Variants in GLMP observed in about 807,000 individuals in gnomAD.
GLMP encodes the protein kidney lysosomal membrane protein.
A neutral mutation model predicts 39.2 loss-of-function variants in GLMP; 36 were observed. That is an observed-to-expected ratio of 0.92 (90% confidence interval 0.70 to 1.21). The LOEUF (loss-of-function observed/expected upper bound fraction) is 1.21. Among genes scored for constraint, GLMP ranks in the 50% most tolerant of loss-of-function variants. The pLI, the probability that GLMP is intolerant of heterozygous loss-of-function variation, is 0.00. For synonymous variants in GLMP, 220 were observed against 218.9 expected (o/e 1.01, Z -0.04); for missense variants, 454 against 505.6 (o/e 0.90, Z 0.98).
rs769326755 is a variant in GLMP at position 156,293,406 on chromosome 1, A to C, written c.969T>G (p.Phe323Leu). 9.3e-6 allele frequency: 15 copies of C among 1,614,102 alleles called. No individual in the cohort carries two copies. The East Asian group carries it at 3.1e-4, about 34-fold the overall frequency. ...LPQSPIVRAF[F>L]GSQNNFCAFN... ...AGGCACAGAAGTTATTCTGGGACCC[A>C]AAGAAGGCTCGGACAATGGGTGACT... is the stretch of plus-strand genomic sequence containing the variant. Residue 323 changes from phenylalanine to leucine, a missense_variant, in exon 5 of 6, where the codon TTT (phenylalanine) becomes TTG (leucine). Transcript: ENST00000362007.
At chr1:156,294,306 T>C in intron 3 of GLMP, 59 bp downstream of exon 3, 2 of 1,603,968 alleles carry the variant, frequency 1.2e-6, no homozygotes, top group Non-Finnish European at 1.7e-6. Flanking sequence ...ACCTCCATCA[T>C]TAAATCCCAC....
At position 156,293,571 on chromosome 1, in the gene GLMP, G is replaced by C. The variant is rs1281957750; in HGVS notation, c.804C>G (p.Asp268Glu). The C allele has an allele frequency of 6.2e-7, 1 of 1,614,106 alleles. No individual in the cohort carries two copies. The highest frequency in any genetic ancestry group is 1.7e-5 in the Admixed American group (1 of 60,024). Residue 268 changes from aspartate to glutamate, a missense_variant, in exon 5 of 6, where the codon GAC becomes GAG. Asp to Glu is a conservative substitution (Grantham distance 45). Coordinates refer to ENST00000362007, the MANE Select transcript of GLMP (RefSeq NM_144580.3). ...ATGGGAGGGAGCCCCACAGTAGCTG[G>C]TCCAACTGGGAAGAAAGGCAAACAA... The part of the protein sequence containing the change: ...DEYAPAVFQL[D>E]QLLWGSLPSG...
Position 156,294,087 on chromosome 1 carries a change from C to T in GLMP, c.729G>A (p.Gln243=). The change falls in exon 4 of 6, where the codon CAG becomes CAA. Residue 243 remains glutamine (Q), a synonymous_variant. Transcript: ENST00000362007. ...LFGLEVATLG[Q]GPDCPSMQEQ... ...CCTGCATTGAGGGGCAGTCAGGGCC[C>T]TGGCCCAATGTGGCTACCTCCAGCC... is the stretch of plus-strand genomic sequence containing the variant. The T allele has an allele frequency of 6.2e-7, 1 of 1,614,164 alleles. No homozygotes were observed.
Position 156,293,107 on chromosome 1 carries a change from T to C in GLMP, c.1158A>G (p.Leu386=), listed in dbSNP as rs1271474050. The change falls in exon 6 of 6, where the codon CTA becomes CTG. Residue 386 remains leucine (L), a synonymous_variant. Coordinates refer to ENST00000362007, the MANE Select transcript of GLMP (RefSeq NM_144580.3). ...VALGAPGLML[L]GGGLVLLLHH... ...GCAGCAGCAGAACCAAGCCGCCCCC[T>C]AGCAGCATGAGCCCTGGGGCACCCA... 1 of 1,614,078 alleles carries C rather than the reference T, an allele frequency of 6.2e-7. No homozygotes were observed. The highest frequency in any genetic ancestry group is 1.1e-5 in the South Asian group (1 of 91,080).
chr1:156,294,678 C>T (rs769327921), intron 2 of GLMP, 81 bp downstream of exon 2: 2 of 1,570,566 alleles, frequency 1.3e-6, no homozygotes, highest in Admixed American at 1.8e-5. Context: ...TCACCCACCC[C>T]CAGTCTTTAG....
chr1:156,293,826 T>G, intron 4 of GLMP, 192 bp downstream of exon 4: 1 of 1,228,092 alleles, frequency 8.1e-7, no homozygotes, highest in Non-Finnish European at 1.2e-6. Flanking sequence ...TCTGCCAGAG[T>G]GTAAGTCATA....
chr1:156,293,946 G>C, intron 4 of GLMP, 72 bp downstream of exon 4: 2 of 1,532,062 alleles, frequency 1.3e-6, no homozygotes, highest in Non-Finnish European at 1.8e-6. Context: ...GCAAATGGTT[G>C]AATGAGTTTT....
At chr1:156,294,650 T>A in intron 2 of GLMP, 85 bp from the exon 3 acceptor site, 1 of 1,591,542 alleles carries the variant, frequency 6.3e-7, no homozygotes, top group Non-Finnish European at 8.6e-7. Flanking sequence ...TACCAAGGCT[T>A]TCATATCTGA....
chr1:156,294,200 G>T lies in GLMP; in HGVS notation c.616C>A (p.Pro206Thr), dbSNP rs531682169. Reference protein sequence around the residue: ...AFSRSSRPAQPPRLLHTADTC... With the variant: ...AFSRSSRPAQTPRLLHTADTC... ...TCTGCTGTGTGCAGGAGGCGAGGGG[G>T]TTGGGCTGGTCGGCTGGACCTGGAA... The change falls in exon 4 of 6, where the codon CCC becomes ACC. Residue 206 changes from proline (P) to threonine (T), a missense_variant. Physicochemically the swap from Pro to Thr is conservative, Grantham distance 38. Transcript: ENST00000362007. 3 of 1,614,052 alleles carry T rather than the reference G, an allele frequency of 1.9e-6. No homozygotes were observed. The highest frequency in any genetic ancestry group is 1.3e-5 in the African/African-American group (1 of 75,062).
At chr1:156,294,712 C>T in intron 2 of GLMP, 47 bp downstream of exon 2, 2 of 1,555,368 alleles carry the variant, frequency 1.3e-6, no homozygotes, top group Non-Finnish European at 1.7e-6. Flanking sequence ...TTGGGATGAA[C>T]TCTCTCCTCT....
Position 156,294,202 on chromosome 1 carries a change from T to C in GLMP, c.614A>G (p.Gln205Arg). The change falls in exon 4 of 6, where the codon CAA becomes CGA. Residue 205 changes from glutamine (Q) to arginine (R), a missense_variant. Coordinates refer to ENST00000362007, the MANE Select transcript of GLMP (RefSeq NM_144580.3). ...QAFSRSSRPA[Q>R]PPRLLHTADT... ...TGCTGTGTGCAGGAGGCGAGGGGGTTGGGCTGGTCGGCTGGACCTGGAAAA... is the reference window on the plus strand; with the variant it reads ...TGCTGTGTGCAGGAGGCGAGGGGGTCGGGCTGGTCGGCTGGACCTGGAAAA... 6.2e-7 allele frequency: 1 copy of C among 1,613,918 alleles called. No homozygotes were observed. Among genetic ancestry groups the C allele is most frequent in the East Asian group, 2.2e-5 (1 of 44,876 alleles).
In GLMP at chr1:156,294,194, G is replaced by A. The variant is rs773888803; in HGVS notation, c.622C>T (p.Arg208Cys). 1.1e-5 allele frequency: 17 copies of A among 1,613,944 alleles called. No individual in the cohort carries two copies. The highest frequency in any genetic ancestry group is 1.3e-5 in the African/African-American group (1 of 74,942). ...CAGGTGTCTGCTGTGTGCAGGAGGCGAGGGGGTTGGGCTGGTCGGCTGGAC... is the reference window on the plus strand; with the variant it reads ...CAGGTGTCTGCTGTGTGCAGGAGGCAAGGGGGTTGGGCTGGTCGGCTGGAC... ...SRSSRPAQPP[R>C]LLHTADTCQL... Residue 208 changes from arginine to cysteine, a missense_variant, in exon 4 of 6, where the codon CGC (arginine) becomes TGC (cysteine). Transcript: ENST00000362007.
At chr1:156,295,445 G>T in intron 1 of GLMP, 81 bp downstream of exon 1, 4 of 1,424,918 alleles carry the variant, frequency 2.8e-6, no homozygotes, top group Non-Finnish European at 3.7e-6. Flanking sequence ...TCCACCCCTA[G>T]CCCCTGGATG....
At chr1:156,293,296 C>T (rs753423288) in intron 5 of GLMP, 24 bp downstream of exon 5, 48 of 1,613,706 alleles carry the variant, frequency 3.0e-5, no homozygotes, top group Non-Finnish European at 3.6e-5. Context: ...TCCCCAAGTC[C>T]CCGGCCCAAA....
In GLMP at chr1:156,294,124, C is replaced by G. The variant is rs369435141; in HGVS notation, c.692G>C (p.Arg231Pro). The G allele has an allele frequency of 6.2e-7, 1 of 1,614,178 alleles. No homozygotes were observed. The highest frequency in any genetic ancestry group is 1.3e-5 in the African/African-American group (1 of 75,046). The change falls in exon 4 of 6, where the codon CGT (arginine) becomes CCT (proline). Residue 231 changes from arginine (R) to proline (P), a missense_variant. Transcript: ENST00000362007. ...GGCTACCTCCAGCCCAAACAGGGAACGGTTTCCCCGGGGAGAGGCTCCAAT... is the reference window on the plus strand; with the variant it reads ...GGCTACCTCCAGCCCAAACAGGGAAGGGTTTCCCCGGGGAGAGGCTCCAAT... The part of the protein sequence containing the change: ...ALIGASPRGN[R>P]SLFGLEVATL...
intron 2 of GLMP, 92 bp from the exon 3 acceptor site, chr1:156,294,657 C>A (rs758727289): frequency 1.3e-6 from 2 of 1,586,350 alleles, no homozygotes; most frequent in Admixed American, 1.7e-5. Flanking sequence ...GCTTTCATAT[C>A]TGAGTCTATT....
chr1:156,294,183 G>T lies in GLMP; in HGVS notation c.633C>A (p.His211Gln). The T allele has an allele frequency of 6.2e-7, 1 of 1,614,102 alleles. No individual in the cohort carries two copies. The highest frequency in any genetic ancestry group is 8.5e-7 in the Non-Finnish European group (1 of 1,179,932). ...SRPAQPPRLL[H>Q]TADTCQLEVA... ...CCTCTAGCTGACAGGTGTCTGCTGT[G>T]TGCAGGAGGCGAGGGGGTTGGGCTG... Residue 211 changes from histidine to glutamine, a missense_variant, in exon 4 of 6, where the codon CAC (histidine) becomes CAA (glutamine). By Grantham distance (24) the His-to-Gln change is conservative. Coordinates refer to ENST00000362007, the MANE Select transcript of GLMP (RefSeq NM_144580.3).
rs142959258 is a variant in GLMP, at chr1:156,295,648, G to T, written c.-3C>A. Reference sequence around the variant, plus strand: ...GTGCACTCCACAGAGCCGCGCATACGGCCGCAATTCAGCCGACGGAAGAGG... The same window carrying T: ...GTGCACTCCACAGAGCCGCGCATACTGCCGCAATTCAGCCGACGGAAGAGG... On this transcript the variant is annotated 5_prime_UTR_variant, in exon 1 of 6. Coordinates refer to ENST00000362007, the MANE Select transcript of GLMP (RefSeq NM_144580.3). 1.0e-5 allele frequency: 16 copies of T among 1,551,804 alleles called. No homozygotes were observed. The African/African-American group carries it at 1.8e-4, about 17-fold the overall frequency.
intron 4 of GLMP, 136 bp from the exon 5 acceptor site, chr1:156,293,712 T>C: frequency 6.4e-7 from 1 of 1,552,930 alleles, no homozygotes; most frequent in Non-Finnish European, 8.7e-7. Context: ...ATCCCTCCTC[T>C]GTAAAAATGG....
Sources: gnomAD v4.1 joint callset for allele counts on GRCh38, gnomAD v4.1.1 for gene constraint, MANE v1.5 for transcripts, NCBI Gene and HGNC (gene_info 2026-07-23, HGNC 2026-07-21) for gene names.